The following BAZ2B variants were observed in gnomAD, a reference collection of about 807,000 sequenced individuals.
BAZ2B encodes the protein bromodomain adjacent to zinc finger domain protein 2B.
Under a neutral mutation model 246.0 loss-of-function variants are expected in BAZ2B, and 91 were observed. That is an observed-to-expected ratio of 0.37 (90% CI 0.31 to 0.44). The LOEUF (loss-of-function observed/expected upper bound fraction) is 0.44, where lower values mean the gene tolerates loss of function less well. Ranked by LOEUF, BAZ2B falls within the 20% of genes least tolerant of loss-of-function variation. BAZ2B has a pLI of 1.00. For missense variants in BAZ2B, 2,332 were observed against 2,533.7 expected (o/e 0.92, Z 1.71); for synonymous variants, 855 against 860.0 (o/e 0.99, Z 0.10).
chr2:159,405,201 T>C, intron 14 of BAZ2B, 87 bp from the exon 15 acceptor site: 4 of 1,128,418 alleles, frequency 3.5e-6, no homozygotes, highest in South Asian at 1.4e-5. Flanking sequence ...GGTATCATCA[T>C]AAAGGATATA....
the BAZ2B span, among the ~76,000 whole-genome samples, chr2:159,702,003 T>C: frequency 6.6e-6 from 1 of 152,128 alleles, no homozygotes; most frequent in African/African-American, 2.4e-5. Context: ...GCTGGGATTA[T>C]AGACATGAAC....
chr2:159,472,681 G>A (rs2077963504), intron 3 of BAZ2B, among the ~76,000 whole-genome samples: 1 of 152,160 alleles, frequency 6.6e-6, no homozygotes, highest in Non-Finnish European at 1.5e-5. Flanking sequence ...TTTATTGAGA[G>A]GTTTTAGCAT....
chr2:159,568,033 T>C (rs1220102083), intron 1 of BAZ2B, among the ~76,000 whole-genome samples: 6 of 152,174 alleles, frequency 3.9e-5, no homozygotes, highest in Non-Finnish European at 8.8e-5. Flanking sequence ...AAACTCACCA[T>C]TTTAATCTCT....
Position 159,350,280 on chromosome 2 carries a change from T to G in BAZ2B, c.4291A>C (p.Thr1431Pro). 1 of 1,609,078 alleles carries G rather than the reference T, an allele frequency of 6.2e-7. No individual in the cohort carries two copies. ...GAACAATTTAAACTGTCCCCAGAAG[T>G]CTCAAACATTTCTTCTTTGATCTGG... ...SVQIKEEMFETSGDSLNCSNT... is the reference protein window; with the variant it reads ...SVQIKEEMFEPSGDSLNCSNT... Residue 1431 changes from threonine to proline, a missense_variant, in exon 28 of 37, where the codon ACT becomes CCT. This residue lies in a region of BAZ2B where 676 missense variants were observed against 668.6 expected (regional missense o/e 1.01). Transcript: ENST00000392783.
the BAZ2B span, among the ~76,000 whole-genome samples, chr2:159,677,762 C>A: frequency 6.6e-6 from 1 of 152,092 alleles, no homozygotes. Flanking sequence ...TGCCCAAATC[C>A]AGATTACTAT....
rs369600788 is a variant in BAZ2B, at chr2:159,417,975, T to A, written c.2467-5430A>T. On this transcript the variant is annotated intron_variant, in intron 13 of 36. Transcript: ENST00000392783. Reference sequence around the variant, plus strand: ...TAGAGCTAGAAAGAGAGATGAATAGTACATTAGTCTTTTGGGAGAGAGAAC... The same window carrying A: ...TAGAGCTAGAAAGAGAGATGAATAGAACATTAGTCTTTTGGGAGAGAGAAC... Among the ~76,000 whole-genome samples, 68 of 152,324 alleles carry A rather than the reference T, an allele frequency of 4.5e-4. 1 individual carries two copies. The highest frequency in any genetic ancestry group is 1.4e-3 in the African/African-American group (57 of 41,560).
chr2:159,578,984 T>C (rs1449360779), intron 1 of BAZ2B, among the ~76,000 whole-genome samples: 2 of 152,102 alleles, frequency 1.3e-5, no homozygotes, highest in Non-Finnish European at 2.9e-5. Context: ...AGATCTAAAA[T>C]TGACACCCTA....
chr2:159,704,673 G>C, the BAZ2B span, among the ~76,000 whole-genome samples: 9 of 151,784 alleles, frequency 5.9e-5, no homozygotes, highest in Non-Finnish European at 1.2e-4. Context: ...AGTAGAGATG[G>C]GCTTCACTAT....
Position 159,320,819 on chromosome 2 carries a change from A to T in BAZ2B, c.6354-401T>A, listed in dbSNP as rs174228. Reference sequence around the variant, plus strand: ...TCCATATTAAAAAATGCTCAGCTGCAGTAGAAATTATGTCAATGCTCCCCA... The same window carrying T: ...TCCATATTAAAAAATGCTCAGCTGCTGTAGAAATTATGTCAATGCTCCCCA... On this transcript the variant is annotated intron_variant, in intron 36 of 36. Coordinates refer to ENST00000392783, the MANE Select transcript of BAZ2B (RefSeq NM_013450.4). 6.6e-5 allele frequency among the ~76,000 whole-genome samples: 10 copies of T among 152,346 alleles called. No individual in the cohort carries two copies. The South Asian group carries it at 1.9e-3, about 28-fold the overall frequency.
chr2:159,433,322 T>C lies in BAZ2B; in HGVS notation c.1335A>G (p.Gln445=). 6.2e-7 allele frequency: 1 copy of C among 1,614,000 alleles called. No homozygotes were observed. The highest frequency in any genetic ancestry group is 8.5e-7 in the Non-Finnish European group (1 of 1,180,016). The change falls in exon 9 of 37, where the codon CAA becomes CAG. Residue 445 remains glutamine (Q), a synonymous_variant. Transcript: ENST00000392783. Reference sequence around the variant, plus strand: ...CCTTCTTCAGGCTCTTCGATGACTCTTGTTTCTTTAACTGTGATGGGAATG... The same window carrying C: ...CCTTCTTCAGGCTCTTCGATGACTCCTGTTTCTTTAACTGTGATGGGAATG... ...KQAFPSQLKK[Q]ESSKSLKKVI...
At chr2:159,542,311 T>C (rs763069898) in intron 2 of BAZ2B, among the ~76,000 whole-genome samples, 1 of 152,150 alleles carries the variant, frequency 6.6e-6, no homozygotes, top group Non-Finnish European at 1.5e-5. Context: ...AAGAAAGACA[T>C]GAATCTACAT....
chr2:159,454,225 G>A (rs2075441750), intron 3 of BAZ2B, among the ~76,000 whole-genome samples: 1 of 152,072 alleles, frequency 6.6e-6, no homozygotes, highest in African/African-American at 2.4e-5. Context: ...TCTGTCACCA[G>A]GTCAATACTC....
intron 27 of BAZ2B, among the ~76,000 whole-genome samples, chr2:159,365,550 T>C (rs762139819): frequency 2.6e-5 from 4 of 152,216 alleles, no homozygotes; most frequent in African/African-American, 7.2e-5. Context: ...GATACAAACT[T>C]GGATGCTCTC....
the BAZ2B span, among the ~76,000 whole-genome samples, chr2:159,650,363 G>A: frequency 6.6e-6 from 1 of 151,868 alleles, no homozygotes; most frequent in Non-Finnish European, 1.5e-5. Flanking sequence ...AATCCTTTCA[G>A]GTCTTGCTTT....
intron 27 of BAZ2B, among the ~76,000 whole-genome samples, chr2:159,353,839 A>C (rs977190058): frequency 2.0e-5 from 3 of 152,190 alleles, no homozygotes; most frequent in Admixed American, 2.0e-4. Context: ...TGCCTGACAA[A>C]GTTTAAATGC....
At chr2:159,455,609 C>A (rs1463196233) in intron 3 of BAZ2B, among the ~76,000 whole-genome samples, 2 of 151,954 alleles carry the variant, frequency 1.3e-5, no homozygotes, top group Non-Finnish European at 2.9e-5. Flanking sequence ...ATCAGCTAAT[C>A]ATTGTTTTTG....
chr2:159,663,894 A>C, the BAZ2B span, among the ~76,000 whole-genome samples: 3 of 84,602 alleles, frequency 3.5e-5, no homozygotes, highest in African/African-American at 4.6e-5. Flanking sequence ...TTTTAATTAT[A>C]CTCTAAGTTT....
At chr2:159,697,679 T>C in the BAZ2B span, among the ~76,000 whole-genome samples, 27 of 152,114 alleles carry the variant, frequency 1.8e-4, no homozygotes, top group Non-Finnish European at 3.2e-4. Context: ...TTAATGATCA[T>C]GATATTAAAA....
At chr2:159,426,883 C>CT (rs771933419) in intron 13 of BAZ2B, among the ~76,000 whole-genome samples, 1 of 151,968 alleles carries the variant, frequency 6.6e-6, no homozygotes, top group Non-Finnish European at 1.5e-5. Context: ...GAAAAGCTCC[C>CT]TATTCACAAA....
Sources: gnomAD v4.1 joint callset for allele counts (sites outside exome capture counted in the v4.1 genomes callset) on GRCh38, gnomAD v4.1.1 for gene constraint, gnomAD v4.1.1 regional missense constraint, MANE v1.5 for transcripts, NCBI Gene and HGNC (gene_info 2026-07-23, HGNC 2026-07-21) for gene names.